The following NEGR1 variants were observed in gnomAD, a reference collection of about 807,000 sequenced individuals.
The protein encoded by NEGR1 is IgLON family member 4.
A neutral mutation model predicts 40.9 loss-of-function variants in NEGR1; 10 were observed. The observed-to-expected ratio is 0.24, with a 90% CI of 0.15 to 0.42. The LOEUF (loss-of-function observed/expected upper bound fraction) is 0.42, where lower values mean the gene tolerates loss of function less well. Among genes scored for constraint, NEGR1 ranks in the 10% least tolerant of loss-of-function variants. The pLI is 1.00. For missense variants in NEGR1, 352 were observed against 438.9 expected, an observed-to-expected ratio of 0.80 and a Z score of 1.77; for synonymous variants, 185 against 166.8, an observed-to-expected ratio of 1.11 and a Z score of -0.84.
intron 6 of NEGR1, among the ~76,000 whole-genome samples, chr1:71,537,045 G>C (rs1647535529): frequency 6.6e-6 from 1 of 151,608 alleles, no homozygotes; most frequent in Admixed American, 6.6e-5. Flanking sequence ...TTGAACAGCT[G>C]TTGTAACAAG....
chr1:71,425,526 T>C (rs1002335255), intron 6 of NEGR1, among the ~76,000 whole-genome samples: 6 of 152,158 alleles, frequency 3.9e-5, no homozygotes, highest in African/African-American at 1.4e-4. Context: ...CATCCACTTA[T>C]AAATCCGGGA....
chr1:72,127,226 A>G (rs2100303643), intron 1 of NEGR1, among the ~76,000 whole-genome samples: 1 of 152,188 alleles, frequency 6.6e-6, no homozygotes, highest in South Asian at 2.1e-4. Flanking sequence ...GTACTTTGGG[A>G]GGCCGAGGCG....
intron 4 of NEGR1, among the ~76,000 whole-genome samples, chr1:71,626,215 TA>T (rs1467603588): frequency 1.3e-5 from 2 of 152,006 alleles, no homozygotes; most frequent in African/African-American, 4.8e-5. Context: ...TTTATTTATT[TA>T]TTTTTTTATT....
At chr1:71,811,945 AG>A (rs1658019665) in intron 2 of NEGR1, among the ~76,000 whole-genome samples, 1 of 150,496 alleles carries the variant, frequency 6.6e-6, no homozygotes, top group South Asian at 2.1e-4. Flanking sequence ...ATGCAGGTTT[AG>A]TATATAGGTA....
chr1:72,145,594 T>C (rs1650876434), intron 1 of NEGR1, among the ~76,000 whole-genome samples: 1 of 152,090 alleles, frequency 6.6e-6, no homozygotes, highest in African/African-American at 2.4e-5. Context: ...TTAAGTATGG[T>C]TGGACTAGGG....
chr1:72,171,949 G>C (rs1002881723), intron 1 of NEGR1, among the ~76,000 whole-genome samples: 33 of 152,034 alleles, frequency 2.2e-4, no homozygotes, highest in Non-Finnish European at 1.2e-4. Context: ...TTAAAGTTTT[G>C]TAATGTCAAA....
rs1646248154 is a variant in NEGR1 at position 71,401,791 on chromosome 1, A to G, written c.*5655T>C. The G allele has an allele frequency of 6.6e-6, 1 of 152,194 alleles. No individual in the cohort carries two copies. The highest frequency in any genetic ancestry group is 6.6e-5 in the Admixed American group (1 of 15,264). The allele number at this position is 152,194 out of a possible 1,614,324, so 9.4% of individuals were successfully genotyped here. ...ATTTTTTGCAAAATGCTATACAAAAAGAAGATACATGCGATTATGACAAGA... is the reference window on the plus strand; with the variant it reads ...ATTTTTTGCAAAATGCTATACAAAAGGAAGATACATGCGATTATGACAAGA... On this transcript the variant is annotated 3_prime_UTR_variant, in exon 7 of 7. Coordinates refer to ENST00000357731, the MANE Select transcript of NEGR1 (RefSeq NM_173808.3).
At chr1:72,046,958 C>A (rs926059216) in intron 1 of NEGR1, among the ~76,000 whole-genome samples, 7 of 151,556 alleles carry the variant, frequency 4.6e-5, no homozygotes, top group Non-Finnish European at 8.9e-5. Flanking sequence ...CTATAAACAT[C>A]CATCTTCTTC....
chr1:71,817,946 A>T (rs1415812527), intron 2 of NEGR1, among the ~76,000 whole-genome samples: 1 of 152,000 alleles, frequency 6.6e-6, no homozygotes, highest in Non-Finnish European at 1.5e-5. Context: ...AATACTCAAC[A>T]TCGCTAATCA....
intron 2 of NEGR1, among the ~76,000 whole-genome samples, chr1:71,929,283 G>C (rs1046588340): frequency 6.6e-6 from 1 of 152,006 alleles, no homozygotes; most frequent in African/African-American, 2.4e-5. Context: ...TAAGTATGAA[G>C]GTGCATTCCT....
At chr1:71,730,241 G>A (rs975456121) in intron 3 of NEGR1, among the ~76,000 whole-genome samples, 11 of 152,070 alleles carry the variant, frequency 7.2e-5, no homozygotes, top group Non-Finnish European at 1.3e-4. Context: ...AAAAATAAGA[G>A]CAGCAGAGGG....
intron 2 of NEGR1, among the ~76,000 whole-genome samples, chr1:71,875,986 T>C (rs1349617767): frequency 6.6e-6 from 1 of 152,136 alleles, no homozygotes; most frequent in African/African-American, 2.4e-5. Context: ...CCAAACGTTA[T>C]TTTTCTTATT....
At chr1:71,897,833 C>T (rs532796871) in intron 2 of NEGR1, among the ~76,000 whole-genome samples, 5 of 152,134 alleles carry the variant, frequency 3.3e-5, no homozygotes, top group South Asian at 4.2e-4. Flanking sequence ...TATCTAGAAG[C>T]GCAGGCATAA....
intron 6 of NEGR1, among the ~76,000 whole-genome samples, chr1:71,472,393 C>T (rs1387640496): frequency 6.6e-6 from 1 of 152,026 alleles, no homozygotes; most frequent in Non-Finnish European, 1.5e-5. Flanking sequence ...ACTGAAATCT[C>T]GATATATGAA....
At chr1:72,122,362 A>C (rs1649835296) in intron 1 of NEGR1, among the ~76,000 whole-genome samples, 1 of 151,968 alleles carries the variant, frequency 6.6e-6, no homozygotes, top group South Asian at 2.1e-4. Flanking sequence ...TTTGTAAAGA[A>C]ATGGCCTTTG....
chr1:71,901,134 T>C lies in NEGR1; in HGVS notation c.409+33945A>G, dbSNP rs899109099. The stretch of plus-strand genomic sequence containing the variant: ...TTGAAGTGTCAATGAAGCAGCCATA[T>C]AGAAGTGTCAAAAACATTCTATCAA... On this transcript the variant is annotated intron_variant, in intron 2 of 6. Coordinates refer to ENST00000357731, the MANE Select transcript of NEGR1 (RefSeq NM_173808.3). Among the ~76,000 whole-genome samples, 5 of 152,300 alleles carry C rather than the reference T, an allele frequency of 3.3e-5. No individual in the cohort carries two copies. The South Asian group carries it at 6.2e-4, about 19-fold the overall frequency.
At chr1:71,596,761 C>A (rs1484487492) in intron 5 of NEGR1, among the ~76,000 whole-genome samples, 1 of 152,304 alleles carries the variant, frequency 6.6e-6, no homozygotes, top group South Asian at 2.1e-4. Flanking sequence ...CAACAGATAT[C>A]TCTAGAGAAA....
chr1:71,698,175 G>T, intron 3 of NEGR1, 36 bp from the exon 4 acceptor site: 1 of 1,583,278 alleles, frequency 6.3e-7, no homozygotes, highest in Non-Finnish European at 8.6e-7. Context: ...AATTGTAGCC[G>T]CCTGAGGCTT....
rs188509449 is a variant in NEGR1 at position 71,522,269 on chromosome 1, G to T, written c.940+70548C>A. ...ACATAATATATACTAGGCAAGGGAT[G>T]TTGAATTAGTGAATGCATTAATGCA... On this transcript the variant is annotated intron_variant, in intron 6 of 6. Coordinates refer to ENST00000357731, the MANE Select transcript of NEGR1 (RefSeq NM_173808.3). Among the ~76,000 whole-genome samples, 228 of 152,096 alleles carry T rather than the reference G, an allele frequency of 1.5e-3. 4 individuals are homozygous for T. Among genetic ancestry groups the T allele is most frequent in the Non-Finnish European group, 1.3e-4 (9 of 67,950 alleles).
Sources: allele counts gnomAD v4.1 joint callset (sites outside exome capture counted in the v4.1 genomes callset), GRCh38; gene constraint gnomAD v4.1.1; transcripts MANE v1.5; gene names NCBI Gene and HGNC (gene_info 2026-07-23, HGNC 2026-07-21).